NDUFAF6: variants seen among roughly 807,000 people sequenced by gnomAD.
The protein encoded by NDUFAF6 is NADH dehydrogenase (ubiquinone) complex I, assembly factor 6.
NDUFAF6 carries 45 observed loss-of-function variants against 40.8 expected under a neutral mutation model. The ratio of observed to expected loss-of-function variants is 1.10; its 90% CI spans 0.87 to 1.42. The LOEUF is 1.42. Among genes scored for constraint, NDUFAF6 ranks in the 40% most tolerant of loss-of-function variants. The pLI is 0.00. For synonymous variants in NDUFAF6, 185 were observed against 155.9 expected, an observed-to-expected ratio of 1.19 and a Z score of -1.39; for missense variants, 435 against 418.5, an observed-to-expected ratio of 1.04 and a Z score of -0.34.
chr8:94,925,255 C>T (rs941589029), intron 1 of NDUFAF6, among the ~76,000 whole-genome samples: 9 of 152,284 alleles, frequency 5.9e-5, no homozygotes, highest in Admixed American at 4.6e-4. Flanking sequence ...CTTTGGGCTT[C>T]GTGTTCCATT....
chr8:95,089,777 T>C (rs1420756374), intron 2 of NDUFAF6, among the ~76,000 whole-genome samples: 1 of 152,200 alleles, frequency 6.6e-6, no homozygotes, highest in East Asian at 1.9e-4. Context: ...GCTCAGCTCA[T>C]TGTGGAGTCA....
chr8:95,101,732 C>G (rs1027714436), intron 2 of NDUFAF6, among the ~76,000 whole-genome samples: 7 of 152,178 alleles, frequency 4.6e-5, no homozygotes, highest in Non-Finnish European at 1.0e-4. Context: ...TGTTCATTCC[C>G]CTTTTGTGGC....
intron 2 of NDUFAF6, among the ~76,000 whole-genome samples, chr8:94,996,266 A>G (rs1826427540): frequency 6.6e-6 from 1 of 152,194 alleles, no homozygotes; most frequent in South Asian, 2.1e-4. Context: ...TTTTCTGGAA[A>G]TGCCCTCTCT....
At chr8:95,113,611 G>A (rs1332840621) in intron 4 of NDUFAF6, among the ~76,000 whole-genome samples, 2 of 152,190 alleles carry the variant, frequency 1.3e-5, no homozygotes, top group South Asian at 2.1e-4. Flanking sequence ...CCTTCCTGAG[G>A]TCATCTGCAG....
intron 3 of NDUFAF6, 96 bp from the exon 4 acceptor site, chr8:95,041,474 T>C: frequency 2.4e-6 from 2 of 829,080 alleles, no homozygotes; most frequent in Non-Finnish European, 4.2e-6. Flanking sequence ...AAATGTTCCC[T>C]TACTTAGTTT....
chr8:94,909,348 C>CAAAAAAAAAAAAAAAAAAAA (rs556065794), intron 1 of NDUFAF6, among the ~76,000 whole-genome samples: 6 of 91,916 alleles, frequency 6.5e-5, no homozygotes, highest in Admixed American at 1.3e-4. Flanking sequence ...GACTCCGTCT[C>CAAAAAAAAAAAAAAAAAAAA]AAAAAAAAAA....
chr8:95,066,771 G>A (rs143637055), intron 9 of NDUFAF6: 4 of 152,286 alleles, frequency 2.6e-5, no homozygotes, highest in Non-Finnish European at 5.9e-5. Flanking sequence ...AAGTTAGCAC[G>A]CTTCTGAGCA....
chr8:95,012,835 C>A (rs745397541), intron 2 of NDUFAF6, among the ~76,000 whole-genome samples: 5 of 151,694 alleles, frequency 3.3e-5, no homozygotes, highest in East Asian at 3.9e-4. Context: ...AAAAAAACAG[C>A]AAAAACCCCT....
At position 95,047,105 on chromosome 8, in the gene NDUFAF6, T is replaced by A. The variant is rs1396015072; in HGVS notation, c.692T>A (p.Leu231His). ...CATGGGAGCAGAAGAAAGGTGTTCCTTCCCATGGATATTTGTATGCTGGTA... is the reference window on the plus strand; with the variant it reads ...CATGGGAGCAGAAGAAAGGTGTTCCATCCCATGGATATTTGTATGCTGGTA... ...PYHGSRRKVF[L>H]PMDICMLHGV... The change falls in exon 6 of 9, where the codon CTT (leucine) becomes CAT (histidine). Residue 231 changes from leucine (L) to histidine (H), a missense_variant. Physicochemically the swap from Leu to His is moderately conservative, Grantham distance 99. Transcript: ENST00000396124. The A allele has an allele frequency of 6.2e-7, 1 of 1,614,072 alleles. No individual in the cohort carries two copies. The highest frequency in any genetic ancestry group is 2.2e-5 in the East Asian group (1 of 44,890).
At chr8:95,009,945 A>T (rs1310427330) in intron 2 of NDUFAF6, among the ~76,000 whole-genome samples, 1 of 152,202 alleles carries the variant, frequency 6.6e-6, no homozygotes, top group Non-Finnish European at 1.5e-5. Flanking sequence ...TCTTCTTAGC[A>T]AAATACAGAA....
chr8:94,909,307 C>T (rs897520073), intron 1 of NDUFAF6, among the ~76,000 whole-genome samples: 2 of 134,318 alleles, frequency 1.5e-5, no homozygotes, highest in African/African-American at 2.9e-5. Flanking sequence ...TGAGATTGCA[C>T]CACTGCACTC....
chr8:94,987,804 AAT>A (rs1164402154), intron 2 of NDUFAF6, among the ~76,000 whole-genome samples: 1 of 152,174 alleles, frequency 6.6e-6, no homozygotes, highest in Non-Finnish European at 1.5e-5. Context: ...AAGTTCTAAC[AAT>A]GTTTTCTTGT....
chr8:95,040,580 G>A (rs972358472), intron 3 of NDUFAF6: 2 of 152,172 alleles, frequency 1.3e-5, no homozygotes, highest in Non-Finnish European at 2.9e-5. Flanking sequence ...TTGGCACTTA[G>A]TATTCTGCTA....
chr8:94,945,504 A>G (rs1821907740), exon 2 of NDUFAF6: 1 of 152,192 alleles, frequency 6.6e-6, no homozygotes, highest in Non-Finnish European at 1.5e-5. Flanking sequence ...AAAAAGTCTT[A>G]AAGGCCTACC....
chr8:95,035,628 A>T, intron 3 of NDUFAF6, 52 bp downstream of exon 3: 1 of 1,545,868 alleles, frequency 6.5e-7, no homozygotes, highest in Non-Finnish European at 8.9e-7. Context: ...ATTCGAGTCT[A>T]CTTTTTGATG....
intron 2 of NDUFAF6, 33 bp downstream of exon 2, chr8:95,032,127 C>A: frequency 6.5e-7 from 1 of 1,549,004 alleles, no homozygotes; most frequent in Non-Finnish European, 8.9e-7. Flanking sequence ...ATATTATTTG[C>A]GAAATGGTGA....
In NDUFAF6 at chr8:95,071,165, C is replaced by T. The variant is rs570255999; in HGVS notation, c.*512-4468C>T. 4.6e-4 allele frequency among the ~76,000 whole-genome samples: 69 copies of T among 151,312 alleles called. 1 individual carries two copies. The highest frequency in any genetic ancestry group is 1.4e-3 in the African/African-American group (58 of 41,192). ...CAGCACTTTGGGAGGCTGAGGTGGGCGGATCACGAGGTCAGGAAATCAAGA... is the reference window on the plus strand; with the variant it reads ...CAGCACTTTGGGAGGCTGAGGTGGGTGGATCACGAGGTCAGGAAATCAAGA... On this transcript the variant is annotated intron_variant and NMD_transcript_variant, in intron 9 of 9. Transcript: ENST00000520757.
chr8:95,029,809 CAT>C (rs1226661454), intron 1 of NDUFAF6, among the ~76,000 whole-genome samples: 1 of 152,158 alleles, frequency 6.6e-6, no homozygotes, highest in Non-Finnish European at 1.5e-5. Context: ...CTCTCCATAT[CAT>C]ATCAGGCAGC....
intron 2 of NDUFAF6, among the ~76,000 whole-genome samples, chr8:95,013,794 TC>T (rs1827325742): frequency 6.6e-6 from 1 of 152,092 alleles, no homozygotes; most frequent in Admixed American, 6.5e-5. Context: ...TGAATTGTGT[TC>T]CCCCTCCCCC....
Sources: allele counts gnomAD v4.1 joint callset (sites outside exome capture counted in the v4.1 genomes callset), GRCh38; gene constraint gnomAD v4.1.1; transcripts MANE v1.5; gene names NCBI Gene and HGNC (gene_info 2026-07-23, HGNC 2026-07-21).